The following FER1L6 variants were observed in gnomAD, a reference collection of about 807,000 sequenced individuals.
FER1L6 encodes fer-1-like protein 6.
Under a neutral mutation model 219.2 loss-of-function variants are expected in FER1L6, and 177 were observed. The observed-to-expected ratio is 0.81, with a 90% CI of 0.71 to 0.91. The LOEUF (loss-of-function observed/expected upper bound fraction) is 0.91. Ranked by LOEUF, FER1L6 falls within the 40% of genes least tolerant of loss-of-function variation. FER1L6 has a pLI of 0.00. For synonymous variants in FER1L6, 768 were observed against 824.3 expected (o/e 0.93, Z 1.17); for missense variants, 2,153 against 2,259.9 (o/e 0.95, Z 0.96).
At chr8:123,976,197 AG>A (rs1423138211) in intron 9 of FER1L6, 113 bp downstream of exon 9, 11 of 942,732 alleles carry the variant, frequency 1.2e-5, no homozygotes, top group Non-Finnish European at 1.5e-5. Context: ...TGAAAGCAAA[AG>A]CTTGTTACAA....
At chr8:123,982,266 A>G (rs986490958) in intron 11 of FER1L6, among the ~76,000 whole-genome samples, 15 of 152,092 alleles carry the variant, frequency 9.9e-5, no homozygotes, top group African/African-American at 3.4e-4. Flanking sequence ...TGTGGGTTGA[A>G]GCTGTCTATT....
At chr8:124,070,280 T>C (rs1230004332) in intron 29 of FER1L6, among the ~76,000 whole-genome samples, 187 bp from the exon 30 acceptor site, 1 of 152,200 alleles carries the variant, frequency 6.6e-6, no homozygotes, top group Non-Finnish European at 1.5e-5. Context: ...GAACATTTCA[T>C]AGTAGTAGTT....
intron 1 of FER1L6, among the ~76,000 whole-genome samples, chr8:123,896,084 G>A (rs1382842754): frequency 1.3e-5 from 2 of 152,186 alleles, no homozygotes; most frequent in African/African-American, 4.8e-5. Context: ...GGAAGAGCAA[G>A]TGCTGTCCGG....
intron 1 of FER1L6, among the ~76,000 whole-genome samples, chr8:123,893,134 C>T (rs753521204): frequency 6.6e-6 from 1 of 152,048 alleles, no homozygotes; most frequent in Non-Finnish European, 1.5e-5. Context: ...CTTTTGTTAT[C>T]CAAAATTGTA....
intron 33 of FER1L6, among the ~76,000 whole-genome samples, chr8:124,087,170 ATCTCTC>A (rs376606273): frequency 2.4e-4 from 36 of 149,132 alleles, no homozygotes; most frequent in African/African-American, 8.1e-4. Flanking sequence ...TTCTACTCTG[ATCTCTC>A]TCTCTCTCTC....
intron 18 of FER1L6, among the ~76,000 whole-genome samples, chr8:124,028,833 A>C (rs966743718): frequency 1.3e-5 from 2 of 152,198 alleles, no homozygotes; most frequent in Non-Finnish European, 2.9e-5. Context: ...GGTTTGTTAC[A>C]TAGGTTAACG....
At chr8:123,856,575 C>T (rs1299187277) in intron 1 of FER1L6, among the ~76,000 whole-genome samples, 1 of 151,476 alleles carries the variant, frequency 6.6e-6, no homozygotes, top group Non-Finnish European at 1.5e-5. Context: ...GGTGGTGTTT[C>T]ATTGCCATTA....
intron 11 of FER1L6, 98 bp from the exon 12 acceptor site, chr8:123,985,970 G>A: frequency 4.3e-6 from 3 of 700,932 alleles, no homozygotes; most frequent in Non-Finnish European, 7.6e-6. Flanking sequence ...AGACCCAAAT[G>A]TTTATAAATT....
intron 1 of FER1L6, among the ~76,000 whole-genome samples, chr8:123,902,821 G>A (rs1335789296): frequency 3.3e-5 from 5 of 152,076 alleles, no homozygotes; most frequent in Non-Finnish European, 5.9e-5. Flanking sequence ...TGCTTTCATC[G>A]TGCTCTTTGT....
chr8:123,885,015 T>C (rs572938534), intron 1 of FER1L6, among the ~76,000 whole-genome samples: 2 of 152,100 alleles, frequency 1.3e-5, no homozygotes, highest in East Asian at 3.9e-4. Flanking sequence ...AACCAACAGA[T>C]CTGGAGAAGG....
At position 123,967,519 on chromosome 8, in the gene FER1L6, A is replaced by G. The variant is rs1185768066; in HGVS notation, c.384+1229A>G. Among the ~76,000 whole-genome samples the G allele has an allele frequency of 2.0e-5, 3 of 152,360 alleles. No homozygotes were observed. The East Asian group carries it at 5.8e-4, about 29-fold the overall frequency. Reference sequence around the variant, plus strand: ...TAATAGTATAACTGGGTCACAAGGTATATGCATTTAAAATTTCCATGTCGC... The same window carrying G: ...TAATAGTATAACTGGGTCACAAGGTGTATGCATTTAAAATTTCCATGTCGC... On this transcript the variant is annotated intron_variant, in intron 5 of 40. Transcript: ENST00000522917.
intron 10 of FER1L6, among the ~76,000 whole-genome samples, chr8:123,979,255 G>A (rs955491879): frequency 2.6e-5 from 4 of 152,294 alleles, no homozygotes; most frequent in Admixed American, 6.5e-5. Context: ...AAGGGCCTGC[G>A]TGAAGCACTC....
rs1339074251 is a variant in FER1L6, at chr8:124,011,837, T to C, written c.1821+1123T>C. On this transcript the variant is annotated intron_variant, in intron 14 of 40. Coordinates refer to ENST00000522917, the MANE Select transcript of FER1L6 (RefSeq NM_001039112.2). ...CTTATCATACTTTACAATATATTTG[T>C]GTGTTTATTTGTTCAATAACTATTT... is the stretch of plus-strand genomic sequence containing the variant. Among the ~76,000 whole-genome samples the C allele has an allele frequency of 2.0e-5, 3 of 152,206 alleles. No homozygotes were observed. In the East Asian group the frequency reaches 5.8e-4, roughly 29 times the overall value.
At chr8:123,913,265 A>AT (rs943350390) in intron 1 of FER1L6, among the ~76,000 whole-genome samples, 3 of 151,518 alleles carry the variant, frequency 2.0e-5, no homozygotes, top group Admixed American at 6.6e-5. Flanking sequence ...GGTTAGTTCC[A>AT]TTTTTTTCCA....
intron 1 of FER1L6, among the ~76,000 whole-genome samples, chr8:123,912,411 G>T (rs1813063760): frequency 6.6e-6 from 1 of 152,146 alleles, no homozygotes; most frequent in Non-Finnish European, 1.5e-5. Flanking sequence ...ATAAGGTTTT[G>T]CACCTGTAGG....
chr8:123,984,282 G>A (rs570634949), intron 11 of FER1L6: 62 of 152,318 alleles, frequency 4.1e-4, no homozygotes, highest in African/African-American at 1.4e-3. Flanking sequence ...TTTGCTTAAA[G>A]TCAATCAGCC....
chr8:124,063,646 C>G (rs908329742), intron 25 of FER1L6, among the ~76,000 whole-genome samples: 4 of 152,168 alleles, frequency 2.6e-5, no homozygotes, highest in African/African-American at 7.2e-5. Flanking sequence ...TTCTTTGTGT[C>G]TATGCCCAGT....
At chr8:123,998,827 AC>A (rs1390777826) in intron 12 of FER1L6, among the ~76,000 whole-genome samples, 2 of 152,058 alleles carry the variant, frequency 1.3e-5, no homozygotes, top group East Asian at 3.9e-4. Context: ...CTGAGTCTCT[AC>A]CCATGACCAC....
intron 19 of FER1L6, among the ~76,000 whole-genome samples, chr8:124,039,284 A>C (rs1819355230): frequency 6.6e-6 from 1 of 152,236 alleles, no homozygotes; most frequent in South Asian, 2.1e-4. Flanking sequence ...GTAGGTGCTC[A>C]GAATGACCCT....
Sources: allele counts gnomAD v4.1 joint callset (sites outside exome capture counted in the v4.1 genomes callset), GRCh38; gene constraint gnomAD v4.1.1; transcripts MANE v1.5; gene names NCBI Gene and HGNC (gene_info 2026-07-23, HGNC 2026-07-21).